Variants in BACH2 observed in about 807,000 individuals in gnomAD.
BACH2 encodes the protein transcription regulator protein BACH2.
Under a neutral mutation model 61.8 loss-of-function variants are expected in BACH2, and 5 were observed. The ratio of observed to expected loss-of-function variants is 0.08; its 90% CI spans 0.04 to 0.17. The LOEUF (loss-of-function observed/expected upper bound fraction) is 0.17. Ranked by LOEUF, BACH2 falls within the 10% of genes least tolerant of loss-of-function variation. The pLI, the probability that BACH2 is intolerant of heterozygous loss-of-function variation, is 1.00. For synonymous variants in BACH2, 446 were observed against 440.1 expected (o/e 1.01, Z -0.17); for missense variants, 824 against 1,091.1 (o/e 0.76, Z 3.45).
At chr6:90,250,817 T>A (rs1285539949) in intron 3 of BACH2, among the ~76,000 whole-genome samples, 20 of 152,220 alleles carry the variant, frequency 1.3e-4, no homozygotes. Flanking sequence ...TAACCAAAAA[T>A]TTTTTTAAAT....
intron 5 of BACH2, among the ~76,000 whole-genome samples, chr6:90,029,661 A>G (rs1365657264): frequency 2.0e-5 from 3 of 152,188 alleles, no homozygotes; most frequent in African/African-American, 7.2e-5. Flanking sequence ...TACATACTTA[A>G]TAAGAAAGTG....
intron 4 of BACH2, among the ~76,000 whole-genome samples, chr6:90,146,244 C>T (rs1317655326): frequency 2.0e-5 from 3 of 152,212 alleles, no homozygotes; most frequent in Admixed American, 6.5e-5. Context: ...AACTCTATGA[C>T]ATAATGTACT....
chr6:90,165,700 C>G (rs1767586164), intron 4 of BACH2, among the ~76,000 whole-genome samples: 2 of 152,046 alleles, frequency 1.3e-5, no homozygotes, highest in Admixed American at 6.5e-5. Context: ...GTACTGGTAC[C>G]AAGACAGACA....
chr6:90,161,272 T>C (rs1051745765), intron 4 of BACH2, among the ~76,000 whole-genome samples: 1 of 152,276 alleles, frequency 6.6e-6, no homozygotes, highest in Non-Finnish European at 1.5e-5. Flanking sequence ...GAGGTTTGTA[T>C]AGAAATGTGA....
At chr6:90,003,083 C>T (rs1321924671) in intron 6 of BACH2, among the ~76,000 whole-genome samples, 2 of 152,194 alleles carry the variant, frequency 1.3e-5, no homozygotes, top group African/African-American at 4.8e-5. Flanking sequence ...GTGTCTTTTC[C>T]CTGCTTCTGC....
intron 3 of BACH2, among the ~76,000 whole-genome samples, chr6:90,224,114 T>C (rs1456593699): frequency 6.6e-6 from 1 of 152,246 alleles, no homozygotes; most frequent in Non-Finnish European, 1.5e-5. Context: ...CTTTAGCATT[T>C]CATTTGATAA....
At chr6:90,044,642 T>A (rs369731218) in intron 5 of BACH2, among the ~76,000 whole-genome samples, 1 of 152,192 alleles carries the variant, frequency 6.6e-6, no homozygotes, top group African/African-American at 2.4e-5. Flanking sequence ...CTGGTAAGCA[T>A]GATGATGGAC....
intron 4 of BACH2, among the ~76,000 whole-genome samples, chr6:90,145,458 G>C (rs887507619): frequency 6.6e-6 from 1 of 152,148 alleles, no homozygotes; most frequent in Non-Finnish European, 1.5e-5. Flanking sequence ...CAAGTGAATA[G>C]AAAAAGTGTT....
In BACH2 at chr6:89,988,128, T is replaced by C. The variant is rs371148233; in HGVS notation, c.243+20474A>G. ...TAGGATGAAATAGAAGGCAGTATTT[T>C]AAAAAAATCAAGTCAATAATTTCTT... On this transcript the variant is annotated intron_variant, in intron 6 of 8. Transcript: ENST00000257749. 3.0e-4 allele frequency among the ~76,000 whole-genome samples: 45 copies of C among 152,292 alleles called. No homozygotes were observed. The South Asian group carries it at 9.3e-3, about 32-fold the overall frequency.
At chr6:90,189,535 G>A (rs1768486160) in intron 4 of BACH2, among the ~76,000 whole-genome samples, 1 of 149,084 alleles carries the variant, frequency 6.7e-6, no homozygotes, top group Non-Finnish European at 1.5e-5. Context: ...GTGAACCCGG[G>A]AAGCGGAGCT....
chr6:90,225,369 T>C (rs1424033780), intron 3 of BACH2, among the ~76,000 whole-genome samples: 2 of 152,072 alleles, frequency 1.3e-5, no homozygotes, highest in Non-Finnish European at 2.9e-5. Context: ...TCTGGATAAT[T>C]GGAGTGATAC....
chr6:90,164,816 A>G (rs1306312297), intron 4 of BACH2, among the ~76,000 whole-genome samples: 1 of 152,226 alleles, frequency 6.6e-6, no homozygotes, highest in Non-Finnish European at 1.5e-5. Flanking sequence ...CAAAAACCAC[A>G]TGATTATCTC....
At chr6:89,949,847 T>A (rs1261675199) in intron 7 of BACH2, among the ~76,000 whole-genome samples, 1 of 151,858 alleles carries the variant, frequency 6.6e-6, no homozygotes, top group Non-Finnish European at 1.5e-5. Flanking sequence ...AATCAATCAA[T>A]CTGGAAAGAG....
rs565829343 is a variant in BACH2, at chr6:89,962,429, AAG to A, written c.244-10569_244-10568del. Among the ~76,000 whole-genome samples the A allele has an allele frequency of 2.6e-3, 390 of 152,254 alleles. 3 individuals are homozygous for A. Among genetic ancestry groups the A allele is most frequent in the African/African-American group, 8.9e-3 (371 of 41,550 alleles). On this transcript the variant is annotated intron_variant, in intron 6 of 8. Coordinates refer to ENST00000257749, the MANE Select transcript of BACH2 (RefSeq NM_021813.4). The stretch of plus-strand genomic sequence containing the variant: ...TTGGTTCCCTCATCTTTACGCTCCA[AAG>A]AGAACCACAAATTCATTTTTGTTTT...
At chr6:90,041,579 A>G (rs1335369624) in intron 5 of BACH2, among the ~76,000 whole-genome samples, 3 of 152,104 alleles carry the variant, frequency 2.0e-5, no homozygotes, top group Non-Finnish European at 4.4e-5. Context: ...AGAATTTTAC[A>G]ATTGTGTTCT....
intron 1 of BACH2, among the ~76,000 whole-genome samples, chr6:90,276,335 A>G (rs747330812): frequency 1.8e-4 from 28 of 152,254 alleles, no homozygotes; most frequent in Non-Finnish European, 2.8e-4. Flanking sequence ...GAATGAGAGC[A>G]CAGAAAATGT....
intron 1 of BACH2, among the ~76,000 whole-genome samples, chr6:90,275,851 C>T (rs1771673874): frequency 6.6e-6 from 1 of 152,074 alleles, no homozygotes; most frequent in South Asian, 2.1e-4. Flanking sequence ...CACCTTTAGT[C>T]CCAGCTACTT....
chr6:89,963,819 C>G (rs12213197), intron 6 of BACH2, among the ~76,000 whole-genome samples: 3 of 152,006 alleles, frequency 2.0e-5, no homozygotes, highest in Non-Finnish European at 4.4e-5. Context: ...AATTTCCATT[C>G]ATGAGTGACT....
chr6:89,999,412 C>T (rs188327892), intron 6 of BACH2, among the ~76,000 whole-genome samples: 186 of 151,922 alleles, frequency 1.2e-3, no homozygotes, highest in Admixed American at 2.2e-3. Flanking sequence ...ACCTACAATA[C>T]CCTTGGCTGA....
Sources: allele counts gnomAD v4.1 joint callset (sites outside exome capture counted in the v4.1 genomes callset), GRCh38; gene constraint gnomAD v4.1.1; transcripts MANE v1.5; gene names NCBI Gene and HGNC (gene_info 2026-07-23, HGNC 2026-07-21).